Variants in LARS2 observed in about 807,000 individuals in gnomAD.
LARS2 encodes leucine--tRNA ligase, mitochondrial.
A neutral mutation model predicts 116.6 loss-of-function variants in LARS2; 81 were observed. The ratio of observed to expected loss-of-function variants is 0.69; its 90% CI spans 0.58 to 0.84. The LOEUF (loss-of-function observed/expected upper bound fraction) is 0.84. Ranked by LOEUF, LARS2 falls within the 40% of genes least tolerant of loss-of-function variation. The pLI, the probability that LARS2 is intolerant of heterozygous loss-of-function variation, is 0.00. For synonymous variants in LARS2, 396 were observed against 407.2 expected, an observed-to-expected ratio of 0.97 and a Z score of 0.33; for missense variants, 968 against 1,114.5, an observed-to-expected ratio of 0.87 and a Z score of 1.87.
chr3:45,486,592 T>G (rs1456486198), intron 11 of LARS2, among the ~76,000 whole-genome samples: 1 of 152,214 alleles, frequency 6.6e-6, no homozygotes, highest in Non-Finnish European at 1.5e-5. Flanking sequence ...AAATAGCATT[T>G]CTTCTTAAAT....
intron 15 of LARS2, among the ~76,000 whole-genome samples, chr3:45,509,756 A>G (rs1386614323): frequency 2.0e-5 from 3 of 151,918 alleles, no homozygotes. Context: ...TGGAGGGAAA[A>G]CACTTGGGAA....
At chr3:45,431,774 C>T (rs1208385900) in intron 6 of LARS2, among the ~76,000 whole-genome samples, 1 of 150,692 alleles carries the variant, frequency 6.6e-6, no homozygotes, top group Non-Finnish European at 1.5e-5. Context: ...AGCTACAAGG[C>T]ATATGAAAAA....
At chr3:45,536,841 G>A (rs267251) in intron 20 of LARS2, among the ~76,000 whole-genome samples, 134,473 of 152,258 alleles carry the variant, frequency 0.88, 61,707 homozygotes, top group East Asian at 1. Context: ...GAAGCATGTG[G>A]TGGATGGATG....
Position 45,485,674 on chromosome 3 carries a change from A to G in LARS2, c.1019-18A>G. 1 of 1,459,476 alleles carries G rather than the reference A, an allele frequency of 6.9e-7. No homozygotes were observed. Among genetic ancestry groups the G allele is most frequent in the African/African-American group, 1.4e-5 (1 of 72,648 alleles). The allele number at this position is 1,459,476 out of a possible 1,614,324, so 90.4% of individuals were successfully genotyped here. On this transcript the variant is annotated intron_variant, in intron 10 of 21. Coordinates refer to ENST00000645846, the MANE Select transcript of LARS2 (RefSeq NM_015340.4). ...TCTCAGTTGAGTGGCATCCACAGTT[A>G]TTTGCTCTCATTTTCAGATTGCCTC...
At chr3:45,521,862 CT>C (rs1700460455) in intron 19 of LARS2, among the ~76,000 whole-genome samples, 1 of 152,016 alleles carries the variant, frequency 6.6e-6, no homozygotes, top group Non-Finnish European at 1.5e-5. Flanking sequence ...AATTCCAGCA[CT>C]TTGGGAGGCC....
chr3:45,415,859 AAAT>A (rs1389262929), intron 4 of LARS2, among the ~76,000 whole-genome samples: 22 of 68,680 alleles, frequency 3.2e-4, no homozygotes, highest in Non-Finnish European at 4.6e-4. Context: ...AAAAAAAAAA[AAAT>A]ATATATATAT....
At chr3:45,423,113 A>G (rs1279622803) in intron 6 of LARS2, among the ~76,000 whole-genome samples, 6 of 152,210 alleles carry the variant, frequency 3.9e-5, no homozygotes, top group African/African-American at 7.2e-5. Context: ...ATCTGCTAAA[A>G]GATAGCTTTA....
Position 45,411,319 on chromosome 3 carries a change from A to G in LARS2, c.364-6163A>G, listed in dbSNP as rs571671583. Among the ~76,000 whole-genome samples the G allele has an allele frequency of 2.0e-5, 3 of 152,298 alleles. No homozygotes were observed. In the South Asian group the frequency reaches 6.2e-4, roughly 32 times the overall value. On this transcript the variant is annotated intron_variant, in intron 4 of 21. Coordinates refer to ENST00000645846, the MANE Select transcript of LARS2 (RefSeq NM_015340.4). ...TAGGAAAATTGACCTGGTTCCCGAC[A>G]CCCCTAGTAGAGAGCAGTTATGCAC...
rs2125736840 is a variant in LARS2 at position 45,496,504 on chromosome 3, A to T, written c.1622+131A>T. 8.2e-6 allele frequency: 6 copies of T among 727,816 alleles called. No individual in the cohort carries two copies. In the Middle Eastern group the frequency reaches 1.2e-3, roughly 143 times the overall value. The allele number at this position is 727,816 out of a possible 1,614,324, so 45.1% of individuals were successfully genotyped here. A position where few individuals can be genotyped will look rare whatever the true frequency, so the allele number is the denominator to read the frequency against. On this transcript the variant is annotated intron_variant, in intron 14 of 21. Transcript: ENST00000645846. ...GCCTGTGCAGATTAAAGGGGAGAAG[A>T]GGAGGAGTGGGCAGAGAGTGCTCTT...
At chr3:45,511,758 C>G (rs1017726962) in intron 15 of LARS2, among the ~76,000 whole-genome samples, 1 of 147,636 alleles carries the variant, frequency 6.8e-6, no homozygotes, top group Non-Finnish European at 1.5e-5. Context: ...CTTCTTGAGG[C>G]TTAATGCTGC....
At chr3:45,445,868 TAAGG>T (rs1428371689) in intron 6 of LARS2, among the ~76,000 whole-genome samples, 1 of 152,218 alleles carries the variant, frequency 6.6e-6, no homozygotes, top group Non-Finnish European at 1.5e-5. Flanking sequence ...TTATTCATCT[TAAGG>T]AAGACTGAAT....
intron 8 of LARS2, among the ~76,000 whole-genome samples, chr3:45,459,769 A>C (rs1331758755): frequency 2.0e-5 from 3 of 152,260 alleles, no homozygotes; most frequent in Non-Finnish European, 4.4e-5. Flanking sequence ...GGACATTCAC[A>C]TGGCAATTTG....
intron 7 of LARS2, among the ~76,000 whole-genome samples, chr3:45,454,516 C>T (rs1230494888): frequency 2.0e-5 from 3 of 152,108 alleles, no homozygotes; most frequent in Non-Finnish European, 2.9e-5. Flanking sequence ...GTAAAATCGA[C>T]CCAGAGCTCA....
chr3:45,472,591 CT>C (rs1699545321), intron 8 of LARS2, among the ~76,000 whole-genome samples: 1 of 152,202 alleles, frequency 6.6e-6, no homozygotes, highest in South Asian at 2.1e-4. Context: ...GCAGATGGAT[CT>C]CTAATACATG....
rs371215506 is a variant in LARS2 at position 45,537,355 on chromosome 3, T to G, written c.2405-4474T>G. ...TTCATAAAATAATTTGGGATGACTT[T>G]CTTTGTAGCTTTTTATAAAAAGTGG... is the stretch of plus-strand genomic sequence containing the variant. On this transcript the variant is annotated intron_variant, in intron 20 of 21. Coordinates refer to ENST00000645846, the MANE Select transcript of LARS2 (RefSeq NM_015340.4). Among the ~76,000 whole-genome samples the G allele has an allele frequency of 2.0e-5, 3 of 152,356 alleles. No homozygotes were observed. In the South Asian group the frequency reaches 6.2e-4, roughly 32 times the overall value.
chr3:45,509,170 G>A (rs890325209), intron 15 of LARS2, among the ~76,000 whole-genome samples: 7 of 152,046 alleles, frequency 4.6e-5, no homozygotes, highest in Non-Finnish European at 8.8e-5. Flanking sequence ...ATACTCCCGC[G>A]TTTGATGGTC....
chr3:45,431,649 A>C (rs1470712275), intron 6 of LARS2, among the ~76,000 whole-genome samples: 1 of 146,858 alleles, frequency 6.8e-6, no homozygotes, highest in Non-Finnish European at 1.5e-5. Context: ...AACCACAAAG[A>C]AAATAGTTAT....
intron 4 of LARS2, among the ~76,000 whole-genome samples, chr3:45,401,042 G>A (rs1270571): frequency 2.6e-5 from 4 of 152,028 alleles, no homozygotes; most frequent in Non-Finnish European, 5.9e-5. Context: ...TGATTTCCTG[G>A]CCTCGTGATC....
intron 1 of LARS2, among the ~76,000 whole-genome samples, chr3:45,390,620 C>A (rs563363878): frequency 7.1e-6 from 1 of 141,652 alleles, no homozygotes; most frequent in South Asian, 2.3e-4. Flanking sequence ...CCTTCTTTGC[C>A]CATTTTTATT....
Sources: gnomAD v4.1 joint callset for allele counts (sites outside exome capture counted in the v4.1 genomes callset) on GRCh38, gnomAD v4.1.1 for gene constraint, MANE v1.5 for transcripts, NCBI Gene and HGNC (gene_info 2026-07-23, HGNC 2026-07-21) for gene names.